The following ZDHHC2 variants were observed in gnomAD, a reference collection of about 807,000 sequenced individuals.
ZDHHC2 encodes zDHHC palmitoyltransferase 2, also known as palmitoyltransferase ZDHHC2.
Under a neutral mutation model 55.6 loss-of-function variants are expected in ZDHHC2, and 51 were observed. The ratio of observed to expected loss-of-function variants is 0.92; its 90% CI spans 0.73 to 1.16. The LOEUF (loss-of-function observed/expected upper bound fraction) is 1.16, where lower values mean the gene tolerates loss of function less well. ZDHHC2 is among the 50% of genes most tolerant of loss of function. The pLI, the probability that ZDHHC2 is intolerant of heterozygous loss-of-function variation, is 0.00. For synonymous variants in ZDHHC2, 199 were observed against 152.9 expected (o/e 1.30, Z -2.22); for missense variants, 491 against 442.4 (o/e 1.11, Z -0.99).
At chr8:17,219,106 C>T (rs1273481555) in intron 12 of ZDHHC2, among the ~76,000 whole-genome samples, 3 of 151,578 alleles carry the variant, frequency 2.0e-5, no homozygotes, top group African/African-American at 7.3e-5. Context: ...AAAAATTAGA[C>T]GGATGTGGTG....
At position 17,199,644 on chromosome 8, in the gene ZDHHC2, C is replaced by G. The variant is rs1316512485; in HGVS notation, c.476+1231C>G. ...TTCTTCCTTTCTTCTTCTTCTCCTC[C>G]TCCTCCTCCCTCCTCCCTCCTCCCT... On this transcript the variant is annotated intron_variant, in intron 6 of 12. Coordinates refer to ENST00000262096, the MANE Select transcript of ZDHHC2 (RefSeq NM_016353.5). Among the ~76,000 whole-genome samples, 73 of 31,156 alleles carry G rather than the reference C, an allele frequency of 2.3e-3. 2 individuals carry two copies. The highest frequency in any genetic ancestry group is 0.021 in the Middle Eastern group (1 of 48). The allele number at this position is 31,156 out of a possible 152,430, so 20.4% of individuals were successfully genotyped here. A position where few individuals can be genotyped will look rare whatever the true frequency, so the allele number is the denominator to read the frequency against.
In ZDHHC2 at chr8:17,184,737, C is replaced by A. The variant is rs1805622125; in HGVS notation, c.131-52C>A. The A allele has an allele frequency of 1.1e-5, 17 of 1,478,556 alleles. No individual in the cohort carries two copies. In the South Asian group the frequency reaches 2.2e-4, roughly 19 times the overall value. The allele number at this position is 1,478,556 out of a possible 1,614,324, so 91.6% of individuals were successfully genotyped here. A position where few individuals can be genotyped will look rare whatever the true frequency, so the allele number is the denominator to read the frequency against. ...TTAAATGCCTTATGTCTGTGTCAAG[C>A]CCCGTTTGCCATAAGCTTCATGTAA... On this transcript the variant is annotated intron_variant, in intron 1 of 12. Coordinates refer to ENST00000262096, the MANE Select transcript of ZDHHC2 (RefSeq NM_016353.5).
intron 1 of ZDHHC2, among the ~76,000 whole-genome samples, chr8:17,157,239 C>T (rs112666137): frequency 0.011 from 1,749 of 152,298 alleles, 27 homozygotes; most frequent in African/African-American, 0.038. Flanking sequence ...GGCCCGGCCC[C>T]GAGCTGCGCC....
chr8:17,158,675 C>T lies in ZDHHC2; in HGVS notation c.130+1822C>T, dbSNP rs545034415. On this transcript the variant is annotated intron_variant, in intron 1 of 12. Coordinates refer to ENST00000262096, the MANE Select transcript of ZDHHC2 (RefSeq NM_016353.5). ...AAATCTAGAGTATCCATAAAATCCG[C>T]ATCAGTATTTTAGTAAGTGACGATT... is the stretch of plus-strand genomic sequence containing the variant. Among the ~76,000 whole-genome samples the T allele has an allele frequency of 3.3e-5, 5 of 152,352 alleles. 1 individual carries two copies. In the South Asian group the frequency reaches 1.0e-3, roughly 32 times the overall value.
At position 17,156,839 on chromosome 8, in the gene ZDHHC2, T is replaced by C; in HGVS notation, c.116T>C (p.Ile39Thr). 1.3e-6 allele frequency: 2 copies of C among 1,516,134 alleles called. No homozygotes were observed. The highest frequency in any genetic ancestry group is 1.8e-6 in the Non-Finnish European group (2 of 1,130,438). 93.9% of individuals were successfully genotyped at this position (1,516,134 alleles called of 1,614,324 possible). A position where few individuals can be genotyped will look rare whatever the true frequency, so the allele number is the denominator to read the frequency against. Residue 39 changes from isoleucine (I) to threonine (T), a missense_variant, in exon 1 of 13, where the codon ATC (isoleucine) becomes ACC (threonine). Coordinates refer to ENST00000262096, the MANE Select transcript of ZDHHC2 (RefSeq NM_016353.5). ...GGCTGGTCCTACTACGCCTACGCCA[T>C]CCAGCTGTGCATAGGTGAGTGCGCC... is the stretch of plus-strand genomic sequence containing the variant. ...LLGWSYYAYA[I>T]QLCIVSMENT...
rs542623199 is a variant in ZDHHC2, at chr8:17,170,432, C to T, written c.130+13579C>T. 4.6e-5 allele frequency among the ~76,000 whole-genome samples: 7 copies of T among 152,258 alleles called. No individual in the cohort carries two copies. In the East Asian group the frequency reaches 1.4e-3, roughly 29 times the overall value. ...TAAACACAAATGTAGGAATTACATC[C>T]TTATATAGTTTCTTTCTCTGGAGAG... On this transcript the variant is annotated intron_variant, in intron 1 of 12. Transcript: ENST00000262096.
rs538964926 is a variant in ZDHHC2 at position 17,168,321 on chromosome 8, C to G, written c.130+11468C>G. ...CTCAACAAAGCTTTGTTTTTCTCTG[C>G]TTATCACTTCTGGGGTTACTTTTAT... On this transcript the variant is annotated intron_variant, in intron 1 of 12. Coordinates refer to ENST00000262096, the MANE Select transcript of ZDHHC2 (RefSeq NM_016353.5). Among the ~76,000 whole-genome samples, 4 of 152,258 alleles carry G rather than the reference C, an allele frequency of 2.6e-5. No homozygotes were observed. The South Asian group carries it at 6.2e-4, about 24-fold the overall frequency.
intron 8 of ZDHHC2, 68 bp downstream of exon 8, chr8:17,208,160 A>G (rs1029214348): frequency 2.1e-6 from 3 of 1,413,144 alleles, no homozygotes; most frequent in African/African-American, 2.9e-5. Context: ...GACAGTTGCT[A>G]TGTGATTAAA....
At position 17,199,546 on chromosome 8, in the gene ZDHHC2, T is replaced by TGTCTTCTGTCTTCTGTCTTC. The variant is rs1554466114; in HGVS notation, c.476+1139_476+1140insTGTCTTCTGTCTTCGTCTTC. On this transcript the variant is annotated intron_variant, in intron 6 of 12. Transcript: ENST00000262096. ...GTCTTCGTCTTCTGTCTTCGTCTTC[T>TGTCTTCTGTCTTCTGTCTTC]GTCTTCGTCTTCGTCTTCTTCGTCT... Among the ~76,000 whole-genome samples the TGTCTTCTGTCTTCTGTCTTC allele has an allele frequency of 4.2e-3, 171 of 40,662 alleles. 10 individuals carry two copies. The highest frequency in any genetic ancestry group is 8.8e-3 in the Non-Finnish European group (144 of 16,398). 26.7% of individuals were successfully genotyped at this position (40,662 alleles called of 152,430 possible). A position where few individuals can be genotyped will look rare whatever the true frequency, so the allele number is the denominator to read the frequency against.
At chr8:17,199,491 T>TTCTTCTTCG (rs1806526174) in intron 6 of ZDHHC2, among the ~76,000 whole-genome samples, 3 of 37,302 alleles carry the variant, frequency 8.0e-5, no homozygotes, top group Non-Finnish European at 2.1e-4. Context: ...CTTCTTCTTC[T>TTCTTCTTCG]TCTTCTTCTT....
intron 1 of ZDHHC2, among the ~76,000 whole-genome samples, chr8:17,179,493 T>G (rs913269471): frequency 3.3e-5 from 5 of 152,128 alleles, no homozygotes; most frequent in Non-Finnish European, 7.4e-5. Flanking sequence ...AGTGCAGCCT[T>G]GAACTACTGG....
At chr8:17,179,803 C>T (rs1047537940) in intron 1 of ZDHHC2, among the ~76,000 whole-genome samples, 1 of 152,186 alleles carries the variant, frequency 6.6e-6, no homozygotes, top group Non-Finnish European at 1.5e-5. Context: ...TTCTCTCTTC[C>T]TATATACCGT....
chr8:17,188,002 T>A (rs1407000556), intron 3 of ZDHHC2, among the ~76,000 whole-genome samples: 4 of 152,260 alleles, frequency 2.6e-5, no homozygotes, highest in Non-Finnish European at 5.9e-5. Flanking sequence ...ATCTCCCTTG[T>A]CTGAGATATT....
chr8:17,208,182 C>A, intron 8 of ZDHHC2, 90 bp downstream of exon 8: 1 of 1,315,368 alleles, frequency 7.6e-7, no homozygotes, highest in Non-Finnish European at 1.0e-6. Flanking sequence ...GCCAACTTGC[C>A]CTGAAGTGGT....
rs1297662337 is a variant in ZDHHC2, at chr8:17,199,509, T to TTCTTCTTCTTCTTCG, written c.476+1101_476+1102insTTCTTCTTCGTCTTC. On this transcript the variant is annotated intron_variant, in intron 6 of 12. Coordinates refer to ENST00000262096, the MANE Select transcript of ZDHHC2 (RefSeq NM_016353.5). ...CTTCTTCTTCTTCTTCTTCTTCTTC[T>TTCTTCTTCTTCTTCG]TCTTCGTCTTCGTCTTCGTCTTCTG... Among the ~76,000 whole-genome samples, 149 of 121,150 alleles carry TTCTTCTTCTTCTTCG rather than the reference T, an allele frequency of 1.2e-3. 2 individuals are homozygous for TTCTTCTTCTTCTTCG. Among genetic ancestry groups the TTCTTCTTCTTCTTCG allele is most frequent in the Non-Finnish European group, 1.6e-3 (95 of 60,998 alleles). The allele number at this position is 121,150 out of a possible 152,430, so 79.5% of individuals were successfully genotyped here.
intron 8 of ZDHHC2, among the ~76,000 whole-genome samples, chr8:17,208,405 C>G (rs1360678005): frequency 6.6e-6 from 1 of 151,098 alleles, no homozygotes. Flanking sequence ...ATGAGGGGCA[C>G]TAGGAATATT....
intron 6 of ZDHHC2, 67 bp downstream of exon 6, chr8:17,198,480 C>G (rs1806440013): frequency 2.8e-6 from 4 of 1,423,178 alleles, no homozygotes; most frequent in Non-Finnish European, 3.8e-6. Flanking sequence ...AATCACTTAT[C>G]CATGTAAATC....
intron 1 of ZDHHC2, among the ~76,000 whole-genome samples, chr8:17,158,384 C>T (rs1585629580): frequency 6.6e-6 from 1 of 152,310 alleles, no homozygotes; most frequent in East Asian, 1.9e-4. Context: ...AGAAGGCCTT[C>T]ATTATCAAAA....
Position 17,210,450 on chromosome 8 carries a change from C to T in ZDHHC2, c.920C>T (p.Thr307Ile). The change falls in exon 10 of 13, where the codon ACT becomes ATT. Residue 307 changes from threonine to isoleucine, a missense_variant. By Grantham distance (89) the Thr-to-Ile change is moderately conservative. Transcript: ENST00000262096. ...AACCAGGATCCTGAACAAGCATCTA[C>T]TCCTGCAGGGCTGAATTCCACAGCT... ...LVNQDPEQAS[T>I]PAGLNSTAKN... 9.3e-6 allele frequency: 15 copies of T among 1,612,754 alleles called. No individual in the cohort carries two copies. Among genetic ancestry groups the T allele is most frequent in the Non-Finnish European group, 1.2e-5 (14 of 1,179,308 alleles).
Sources: allele counts gnomAD v4.1 joint callset (sites outside exome capture counted in the v4.1 genomes callset), GRCh38; gene constraint gnomAD v4.1.1; transcripts MANE v1.5; gene names NCBI Gene and HGNC (gene_info 2026-07-23, HGNC 2026-07-21).